LASP1: variants seen among roughly 807,000 people sequenced by gnomAD.
LASP1 encodes LIM and SH3 protein 1.
A neutral mutation model predicts 38.6 loss-of-function variants in LASP1; 10 were observed. The observed-to-expected ratio is 0.26, with a 90% CI of 0.16 to 0.44. The LOEUF (loss-of-function observed/expected upper bound fraction) is 0.44, where lower values mean the gene tolerates loss of function less well. LASP1 is among the 20% of genes least tolerant of loss of function. LASP1 has a pLI of 1.00. For missense variants in LASP1, 243 were observed against 375.7 expected (o/e 0.65, Z 2.92); for synonymous variants, 132 against 140.8 (o/e 0.94, Z 0.44).
Position 38,917,398 on chromosome 17 carries a change from C to CT in LASP1, c.613-1197dup, listed in dbSNP as rs947525399. ...GTCTATAGCTATAGGATTTATTTTT[C>CT]TTTTTTTTTTCCTCTTTCTTTTTTT... On this transcript the variant is annotated intron_variant, in intron 6 of 6. Coordinates refer to ENST00000318008, the MANE Select transcript of LASP1 (RefSeq NM_006148.4). 1.0e-4 allele frequency among the ~76,000 whole-genome samples: 15 copies of CT among 149,554 alleles called. No individual in the cohort carries two copies. The East Asian group carries it at 1.6e-3, about 16-fold the overall frequency.
Position 38,898,669 on chromosome 17 carries a change from G to A in LASP1, c.357+150G>A, listed in dbSNP as rs139844955. On this transcript the variant is annotated intron_variant, in intron 4 of 6. Transcript: ENST00000318008. ...AGGGTGGGCCTGGGGAAGAGCTTGG[G>A]GTTCCCAGATGCCTCTTCTCTGTGT... The A allele has an allele frequency of 6.3e-4, 435 of 692,698 alleles. 2 individuals carry two copies. The East Asian group carries it at 8.2e-3, about 13-fold the overall frequency. 42.9% of individuals were successfully genotyped at this position (692,698 alleles called of 1,614,324 possible).
Position 38,918,477 on chromosome 17 carries a change from TG to T in LASP1, c.613-126del. On this transcript the variant is annotated intron_variant, in intron 6 of 6. Coordinates refer to ENST00000318008, the MANE Select transcript of LASP1 (RefSeq NM_006148.4). This position sits in a 1 kb window ranked among gnomAD's most constrained non-coding sequence, Gnocchi z 4.4. ...GGTTAAGAATCTTTGCAGCAGAGCC[TG>T]GTGCTCCATTTCTGAGTTCACTGCT... is the stretch of plus-strand genomic sequence containing the variant. 1 of 887,812 alleles carries T rather than the reference TG, an allele frequency of 1.1e-6. No individual in the cohort carries two copies. The highest frequency in any genetic ancestry group is 1.7e-6 in the Non-Finnish European group (1 of 574,720). 55.0% of individuals were successfully genotyped at this position (887,812 alleles called of 1,614,324 possible). A position where few individuals can be genotyped will look rare whatever the true frequency, so the allele number is the denominator to read the frequency against.
intron 3 of LASP1, among the ~76,000 whole-genome samples, chr17:38,898,170 T>C (rs1914540549): frequency 6.6e-6 from 1 of 152,226 alleles, no homozygotes; most frequent in Non-Finnish European, 1.5e-5. Flanking sequence ...AGATGGTTCA[T>C]GTAAGGCCCT....
intron 4 of LASP1, among the ~76,000 whole-genome samples, chr17:38,910,733 C>CTTTTTTTTTTTTT (rs10526728): frequency 0.014 from 1,879 of 135,402 alleles, 69 homozygotes; most frequent in African/African-American, 0.042. Context: ...CTGGAGTCCA[C>CTTTTTTTTTTTTT]TTTTTTTTAA....
At chr17:38,879,819 C>T (rs1373464481) in intron 2 of LASP1, among the ~76,000 whole-genome samples, 1 of 152,076 alleles carries the variant, frequency 6.6e-6, no homozygotes. Context: ...TACTAACCTG[C>T]ACCAGGTGCT....
intron 3 of LASP1, among the ~76,000 whole-genome samples, chr17:38,893,242 T>C (rs1914394338): frequency 6.6e-6 from 1 of 152,220 alleles, no homozygotes; most frequent in South Asian, 2.1e-4. Flanking sequence ...CACCGAGCCC[T>C]GTGCTCCCAC....
intron 3 of LASP1, among the ~76,000 whole-genome samples, chr17:38,891,999 G>C (rs1292637575): frequency 6.6e-6 from 1 of 152,186 alleles, no homozygotes; most frequent in East Asian, 1.9e-4. Flanking sequence ...TGAGGCGGGA[G>C]TATCACTTGA....
intron 4 of LASP1, among the ~76,000 whole-genome samples, chr17:38,903,482 C>T (rs925062557): frequency 7.2e-5 from 11 of 152,154 alleles, no homozygotes; most frequent in South Asian, 6.2e-4. Flanking sequence ...CCGTCAACCT[C>T]CTGAGTAGCT....
intron 1 of LASP1, among the ~76,000 whole-genome samples, chr17:38,872,826 A>C (rs1423846847): frequency 6.6e-6 from 1 of 152,096 alleles, no homozygotes; most frequent in Non-Finnish European, 1.5e-5. Flanking sequence ...CTTATCTCCC[A>C]AAGGCATAGG....
At chr17:38,880,719 C>T (rs897182499) in intron 2 of LASP1, among the ~76,000 whole-genome samples, 3 of 152,292 alleles carry the variant, frequency 2.0e-5, no homozygotes, top group South Asian at 4.1e-4. Context: ...AGAAGTTACC[C>T]GTGGGGATTC....
chr17:38,899,003 A>G, intron 4 of LASP1: 1 of 349,496 alleles, frequency 2.9e-6, no homozygotes, highest in Non-Finnish European at 5.7e-6. Flanking sequence ...TTCACCCGCC[A>G]GCCCTGCACC....
chr17:38,870,803 G>C (rs1007629824), intron 1 of LASP1, among the ~76,000 whole-genome samples: 9 of 152,282 alleles, frequency 5.9e-5, no homozygotes, highest in African/African-American at 2.2e-4. Flanking sequence ...GATGCGGGGG[G>C]TTTTGGGTAA....
chr17:38,875,071 G>GTGTGTGTGTGTA (rs1555553205), intron 1 of LASP1, among the ~76,000 whole-genome samples: 1 of 135,772 alleles, frequency 7.4e-6, no homozygotes, highest in South Asian at 3.3e-4. Flanking sequence ...GTGTGTGTGT[G>GTGTGTGTGTGTA]TGTGTGTGTG....
intron 3 of LASP1, among the ~76,000 whole-genome samples, chr17:38,892,550 A>C (rs1914360814): frequency 8.1e-6 from 1 of 124,084 alleles, no homozygotes; most frequent in South Asian, 2.9e-4. Context: ...AGGTCTTTGG[A>C]GACACACACA....
chr17:38,918,625 T>C lies in LASP1; in HGVS notation c.633T>C (p.Tyr211=). ...GGGGKRYRAV[Y]DYSAADEDEV... ...CACAGAAGCGGTACCGCGCGGTGTA[T>C]GACTACAGCGCCGCCGACGAGGACG... The change falls in exon 7 of 7, where the codon TAT becomes TAC. Residue 211 remains tyrosine (Y), a synonymous_variant. Transcript: ENST00000318008. The surrounding 1 kb of genome is among the most constrained non-coding windows in gnomAD (Gnocchi z 4.4). 1.2e-6 allele frequency: 2 copies of C among 1,607,970 alleles called. No individual in the cohort carries two copies. The highest frequency in any genetic ancestry group is 1.7e-6 in the Non-Finnish European group (2 of 1,175,498).
chr17:38,890,149 A>C, intron 2 of LASP1: 1 of 434,398 alleles, frequency 2.3e-6, no homozygotes, highest in South Asian at 2.9e-5. Flanking sequence ...AGAGTGGCCC[A>C]GTGGCCATCC....
intron 4 of LASP1, among the ~76,000 whole-genome samples, chr17:38,907,115 T>A (rs1914795813): frequency 6.6e-6 from 1 of 152,036 alleles, no homozygotes; most frequent in Admixed American, 6.6e-5. Flanking sequence ...AACCAGTAGG[T>A]GGGTCAGGAA....
chr17:38,918,157 G>T lies in LASP1; in HGVS notation c.613-448G>T, dbSNP rs567454267. On this transcript the variant is annotated intron_variant, in intron 6 of 6. Transcript: ENST00000318008. The surrounding 1 kb of genome is among the most constrained non-coding windows in gnomAD (Gnocchi z 4.4). The stretch of plus-strand genomic sequence containing the variant: ...TCCATCTCAAAAAAAAAAAAAAAAA[G>T]AGGGAGTTGGGGGGTCTTACTGTGT... 4.5e-3 allele frequency among the ~76,000 whole-genome samples: 678 copies of T among 149,352 alleles called. 4 individuals carry two copies. The highest frequency in any genetic ancestry group is 0.016 in the African/African-American group (644 of 40,718).
At chr17:38,910,511 G>A (rs867117319) in intron 4 of LASP1, among the ~76,000 whole-genome samples, 1 of 151,350 alleles carries the variant, frequency 6.6e-6, no homozygotes, top group Non-Finnish European at 1.5e-5. Flanking sequence ...CTTAGCAGCC[G>A]GCTGTGGGCT....
Sources: allele counts gnomAD v4.1 joint callset (sites outside exome capture counted in the v4.1 genomes callset), GRCh38; gene constraint gnomAD v4.1.1; non-coding constraint Gnocchi (gnomAD v3.1); transcripts MANE v1.5; gene names NCBI Gene and HGNC (gene_info 2026-07-23, HGNC 2026-07-21).